Variants in IL1RAPL1 observed in about 807,000 individuals in gnomAD.
The protein encoded by IL1RAPL1 is interleukin-1 receptor accessory protein-like 1.
A neutral mutation model predicts 48.4 loss-of-function variants in IL1RAPL1; 3 were observed. The observed-to-expected ratio is 0.06, with a 90% CI of 0.03 to 0.16. The LOEUF (loss-of-function observed/expected upper bound fraction) is 0.16. Ranked by LOEUF, IL1RAPL1 falls within the 10% of genes least tolerant of loss-of-function variation. The pLI, the probability that IL1RAPL1 is intolerant of heterozygous loss-of-function variation, is 1.00. For missense variants in IL1RAPL1, 349 were observed against 530.6 expected (o/e 0.66, Z 3.36); for synonymous variants, 185 against 187.7 (o/e 0.99, Z 0.12).
At chrX:29,502,592 C>T (rs1034925145) in intron 5 of IL1RAPL1, among the ~76,000 whole-genome samples, 29 of 110,537 alleles carry the variant, frequency 2.6e-4, no homozygotes, top group African/African-American at 9.5e-4. Flanking sequence ...GGTTTTTGTT[C>T]TCATGTCCTT....
At chrX:28,929,020 G>T (rs769776870) in intron 2 of IL1RAPL1, among the ~76,000 whole-genome samples, 8 of 111,766 alleles carry the variant, frequency 7.2e-5, no homozygotes, top group African/African-American at 2.6e-4. Flanking sequence ...ACTTTACTGA[G>T]ACAAACACCA....
intron 5 of IL1RAPL1, among the ~76,000 whole-genome samples, chrX:29,466,415 C>T (rs1045189662): frequency 2.7e-5 from 3 of 112,007 alleles, no homozygotes; most frequent in Non-Finnish European, 5.6e-5. Context: ...AACCTGAAAC[C>T]TCCTGTCCCA....
chrX:29,776,812 C>A lies in IL1RAPL1; in HGVS notation c.778+108308C>A, dbSNP rs189819890. ...GATTCAAACTTAGTCTATATGAGACCAAATACTCACATTTTAAACAATAGA... is the reference window on the plus strand; with the variant it reads ...GATTCAAACTTAGTCTATATGAGACAAAATACTCACATTTTAAACAATAGA... On this transcript the variant is annotated intron_variant, in intron 6 of 10. Coordinates refer to ENST00000378993, the MANE Select transcript of IL1RAPL1 (RefSeq NM_014271.4). Among the ~76,000 whole-genome samples the A allele has an allele frequency of 2.7e-5, 3 of 111,491 alleles. No individual in the cohort carries two copies. The East Asian group carries it at 8.4e-4, about 31-fold the overall frequency.
At chrX:29,360,057 A>G (rs187626101) in intron 3 of IL1RAPL1, among the ~76,000 whole-genome samples, 18 of 111,966 alleles carry the variant, frequency 1.6e-4, no homozygotes, top group African/African-American at 5.2e-4. Flanking sequence ...TTGACATGCC[A>G]GGAGCCATCT....
chrX:28,711,748 A>G (rs1328950993), intron 1 of IL1RAPL1, among the ~76,000 whole-genome samples: 2 of 104,110 alleles, frequency 1.9e-5, no homozygotes, highest in African/African-American at 3.6e-5. Flanking sequence ...TATATAATAT[A>G]CATTTATATA....
chrX:29,714,505 G>A (rs1168960540), intron 6 of IL1RAPL1, among the ~76,000 whole-genome samples: 4 of 111,894 alleles, frequency 3.6e-5, no homozygotes, highest in African/African-American at 9.7e-5. Context: ...TATTTGTGTA[G>A]GCATACTTCT....
intron 6 of IL1RAPL1, among the ~76,000 whole-genome samples, chrX:29,912,994 A>T (rs1019735327): frequency 9.0e-6 from 1 of 111,634 alleles, no homozygotes; most frequent in African/African-American, 3.3e-5. Flanking sequence ...CTTCATTCCC[A>T]CTTTCAAACA....
intron 2 of IL1RAPL1, among the ~76,000 whole-genome samples, chrX:28,873,600 C>G (rs1183322794): frequency 2.0e-5 from 2 of 97,570 alleles, no homozygotes; most frequent in Non-Finnish European, 4.0e-5. Flanking sequence ...GGCTCAATCT[C>G]GGCTCACTGC....
chrX:29,310,127 AAAGAAAGGAAAAAAAAAAAAAC>A lies in IL1RAPL1; in HGVS notation c.362+26913_362+26934del, dbSNP rs1932697123. On this transcript the variant is annotated intron_variant, in intron 3 of 10. Transcript: ENST00000378993. ...AAAAAAAAAAAAAAAAAAAAAAAAA[AAAGAAAGGAAAAAAAAAAAAAC>A]AAAAAAAGGGTAAGTCGGGAGCTTA... Among the ~76,000 whole-genome samples the A allele has an allele frequency of 1.6e-3, 119 of 72,366 alleles. 1 individual carries two copies. Among genetic ancestry groups the A allele is most frequent in the Non-Finnish European group, 2.5e-3 (94 of 37,334 alleles). The allele number at this position is 72,366 out of a possible 115,157, so 62.8% of individuals were successfully genotyped here.
intron 2 of IL1RAPL1, among the ~76,000 whole-genome samples, chrX:29,240,530 C>T (rs953160714): frequency 5.5e-5 from 6 of 109,345 alleles, no homozygotes; most frequent in African/African-American, 1.0e-4. Context: ...CCACCTCGCC[C>T]GGCCTTATAA....
chrX:29,816,364 T>A (rs1192162489), intron 6 of IL1RAPL1, among the ~76,000 whole-genome samples: 1 of 110,985 alleles, frequency 9.0e-6, no homozygotes, highest in Non-Finnish European at 1.9e-5. Flanking sequence ...TCTCCCAAGA[T>A]TGAACCAGGA....
intron 2 of IL1RAPL1, among the ~76,000 whole-genome samples, chrX:28,935,331 T>TTA (rs1182392661): frequency 4.2e-4 from 46 of 110,509 alleles, no homozygotes; most frequent in African/African-American, 1.1e-3. Context: ...CCTTCCTTGG[T>TTA]TATATATATA....
At chrX:28,938,097 G>A (rs1924064800) in intron 2 of IL1RAPL1, among the ~76,000 whole-genome samples, 1 of 111,366 alleles carries the variant, frequency 9.0e-6, no homozygotes, top group Non-Finnish European at 1.9e-5. Context: ...ACTATCCAAA[G>A]CAATTTACAG....
intron 6 of IL1RAPL1, among the ~76,000 whole-genome samples, chrX:29,821,290 A>G (rs1330171237): frequency 4.6e-5 from 5 of 109,395 alleles, no homozygotes; most frequent in African/African-American, 6.7e-5. Context: ...TCTACTAAAA[A>G]ATACAAAAAA....
At chrX:28,609,351 A>G (rs963204535) in intron 1 of IL1RAPL1, among the ~76,000 whole-genome samples, 1 of 111,019 alleles carries the variant, frequency 9.0e-6, no homozygotes, top group African/African-American at 3.3e-5. Flanking sequence ...CACTGTTGTT[A>G]TTATCATTGG....
chrX:29,657,107 A>T lies in IL1RAPL1; in HGVS notation c.704-11323A>T, dbSNP rs946970737. Among the ~76,000 whole-genome samples, 3 of 111,792 alleles carry T rather than the reference A, an allele frequency of 2.7e-5. No individual in the cohort carries two copies. In the East Asian group the frequency reaches 8.4e-4, roughly 31 times the overall value. ...CAGGCTGCAGTTTCCACCACTATGT[A>T]TCAACAGCTCCATGTTAACAATAGC... On this transcript the variant is annotated intron_variant, in intron 5 of 10. Transcript: ENST00000378993.
At chrX:29,593,480 G>T (rs1923447545) in intron 5 of IL1RAPL1, among the ~76,000 whole-genome samples, 1 of 111,982 alleles carries the variant, frequency 8.9e-6, no homozygotes, top group Non-Finnish European at 1.9e-5. Flanking sequence ...CCTTGCATTT[G>T]TCTTTGAGCT....
intron 1 of IL1RAPL1, among the ~76,000 whole-genome samples, chrX:28,751,374 G>T (rs2147246216): frequency 9.0e-6 from 1 of 111,620 alleles, no homozygotes; most frequent in East Asian, 2.8e-4. Flanking sequence ...GTCCAAACTT[G>T]TATAGTAATT....
At chrX:29,066,816 G>C (rs1251122163) in intron 2 of IL1RAPL1, among the ~76,000 whole-genome samples, 2 of 112,017 alleles carry the variant, frequency 1.8e-5, no homozygotes. Context: ...TTTAGCCTCT[G>C]TAACATAGAG....
Sources: allele counts gnomAD v4.1 joint callset (sites outside exome capture counted in the v4.1 genomes callset), GRCh38; gene constraint gnomAD v4.1.1; transcripts MANE v1.5; gene names NCBI Gene and HGNC (gene_info 2026-07-23, HGNC 2026-07-21).